The following ADGRG1 variants were observed in gnomAD, a reference collection of about 807,000 sequenced individuals.
ADGRG1 encodes adhesion G protein-coupled receptor G1.
Under a neutral mutation model 73.5 loss-of-function variants are expected in ADGRG1, and 53 were observed. The ratio of observed to expected loss-of-function variants is 0.72; its 90% confidence interval spans 0.58 to 0.91. ADGRG1 has a LOEUF of 0.91. Among genes scored for constraint, ADGRG1 ranks in the 40% least tolerant of loss-of-function variants. The pLI is 0.00. For synonymous variants in ADGRG1, 394 were observed against 374.4 expected (o/e 1.05, Z -0.60); for missense variants, 795 against 871.8 (o/e 0.91, Z 1.11).
intron 1 of ADGRG1, chr16:57,634,336 G>A (rs2038809877): frequency 7.1e-6 from 7 of 985,398 alleles, no homozygotes; most frequent in Non-Finnish European, 8.4e-6. Context: ...CAAGGGGCTG[G>A]CAGGGGCCCC....
At chr16:57,628,059 G>T, upstream of ADGRG1, 1 of 889,204 alleles carries the variant, frequency 1.1e-6, no homozygotes, top group African/African-American at 3.2e-5. Context: ...AGGGGAGACG[G>T]GTCACCCCCC....
At chr16:57,651,988 G>A in intron 3 of ADGRG1, 1 of 1,231,670 alleles carries the variant, frequency 8.1e-7, no homozygotes, top group South Asian at 1.7e-5. Context: ...AGAGCCCCAG[G>A]AAGAATTCTT....
At chr16:57,650,951 G>T in intron 2 of ADGRG1, 1 of 399,446 alleles carries the variant, frequency 2.5e-6, no homozygotes, top group East Asian at 1.7e-4. Context: ...CTCGTGATCC[G>T]CCCGCCTCAG....
chr16:57,644,626 A>C (rs746358111), intron 1 of ADGRG1, among the ~76,000 whole-genome samples: 4 of 149,158 alleles, frequency 2.7e-5, no homozygotes, highest in Non-Finnish European at 4.4e-5. Context: ...ATGCGCACAC[A>C]CATGCACACT....
intron 1 of ADGRG1, chr16:57,647,296 G>T: frequency 1.0e-6 from 1 of 985,404 alleles, no homozygotes; most frequent in East Asian, 1.1e-4. Flanking sequence ...CGGAAAGGAA[G>T]CTTCATGCTC....
At chr16:57,625,720 GGCCTCT>G, upstream of ADGRG1, 1 of 940,352 alleles carries the variant, frequency 1.1e-6, no homozygotes, top group Non-Finnish European at 1.3e-6. Flanking sequence ...GGGCTAATCA[GGCCTCT>G]CCCTACCCAA....
chr16:57,661,191 C>T, intron 12 of ADGRG1: 1 of 645,312 alleles, frequency 1.5e-6, no homozygotes, highest in Non-Finnish European at 1.9e-6. Flanking sequence ...CTCTCTGTCT[C>T]CCCATGCAGA....
intron 1 of ADGRG1, chr16:57,634,880 C>A: frequency 1.3e-6 from 1 of 752,644 alleles, no homozygotes; most frequent in Non-Finnish European, 1.6e-6. Context: ...TGCTTGTGGG[C>A]AGGTGGTGCC....
intron 10 of ADGRG1, chr16:57,659,067 G>A: frequency 1.0e-6 from 1 of 985,370 alleles, no homozygotes; most frequent in South Asian, 4.7e-5. Flanking sequence ...CACAGAATGT[G>A]GATGGCATGG....
upstream of ADGRG1, chr16:57,625,655 A>G (rs575678409): frequency 1.4e-4 from 137 of 984,792 alleles, 1 homozygote; most frequent in African/African-American, 2.3e-3. Context: ...ATTAAAATAC[A>G]CATTCAGATT....
In ADGRG1 at chr16:57,647,160, G is replaced by A. The variant is rs567321849; in HGVS notation, c.-35-3093G>A. 5.0e-5 allele frequency: 49 copies of A among 985,482 alleles called. No homozygotes were observed. In the Admixed American group the frequency reaches 1.3e-3, roughly 26 times the overall value. The allele number at this position is 985,482 out of a possible 1,614,324, so 61.0% of individuals were successfully genotyped here. On this transcript the variant is annotated intron_variant, in intron 1 of 13. Coordinates refer to ENST00000562631, the MANE Select transcript of ADGRG1 (RefSeq NM_201525.4). ...AAGGAGGGGCGCTAAGTGGACAAGC[G>A]TGACAGTGTCCCCCTGCCCAATCTG... is the stretch of plus-strand genomic sequence containing the variant.
chr16:57,644,039 T>C (rs1268512212), intron 1 of ADGRG1: 1 of 984,942 alleles, frequency 1.0e-6, no homozygotes, highest in Admixed American at 6.2e-5. Flanking sequence ...GGAGGGAGGG[T>C]CCTCTCAGAC....
chr16:57,637,104 G>A (rs1355145195), intron 1 of ADGRG1, among the ~76,000 whole-genome samples: 18 of 152,298 alleles, frequency 1.2e-4, no homozygotes, highest in African/African-American at 4.3e-4. Flanking sequence ...GTTGGCGACT[G>A]CAAGGAAGGG....
At chr16:57,631,400 G>C in intron 1 of ADGRG1, 1 of 985,854 alleles carries the variant, frequency 1.0e-6, no homozygotes, top group Non-Finnish European at 1.2e-6. Context: ...CCATTTCAGG[G>C]ATGCAGGATG....
Position 57,655,547 on chromosome 16 carries a change from C to T in ADGRG1, c.900+17C>T. ...CTGTTCCAGGTATGGGGTCCTCACC[C>T]TCATGCCTCCCAGGAGAAAGCAGTT... On this transcript the variant is annotated intron_variant, in intron 6 of 13. Coordinates refer to ENST00000562631, the MANE Select transcript of ADGRG1 (RefSeq NM_201525.4). The T allele has an allele frequency of 6.2e-7, 1 of 1,613,480 alleles. No individual in the cohort carries two copies. Among genetic ancestry groups the T allele is most frequent in the Non-Finnish European group, 8.5e-7 (1 of 1,179,988 alleles).
At chr16:57,636,377 A>T in intron 1 of ADGRG1, 1 of 985,262 alleles carries the variant, frequency 1.0e-6, no homozygotes, top group Non-Finnish European at 1.2e-6. Context: ...ATGCTGTGGG[A>T]CTTCTCAGAG....
intron 3 of ADGRG1, chr16:57,652,285 G>A: frequency 2.8e-6 from 1 of 352,276 alleles, no homozygotes; most frequent in Non-Finnish European, 4.0e-6. Context: ...GCCAGGAAGG[G>A]AGGAGCATCA....
At chr16:57,631,223 G>A (rs1039784665) in intron 1 of ADGRG1, 26 of 987,040 alleles carry the variant, frequency 2.6e-5, no homozygotes, top group Middle Eastern at 5.1e-4. Context: ...AGCAGGGTTG[G>A]TGTAGGGGTT....
intron 13 of ADGRG1, among the ~76,000 whole-genome samples, chr16:57,662,316 C>T (rs1018257609): frequency 3.3e-5 from 5 of 152,136 alleles, no homozygotes; most frequent in Admixed American, 1.3e-4. Context: ...CACAGGGCCT[C>T]GGCTGGGGTG....
Sources: allele counts gnomAD v4.1 joint callset (sites outside exome capture counted in the v4.1 genomes callset), GRCh38; gene constraint gnomAD v4.1.1; transcripts MANE v1.5; gene names NCBI Gene and HGNC (gene_info 2026-07-23, HGNC 2026-07-21).